The following NCKAP5 variants were observed in gnomAD, a reference collection of about 807,000 sequenced individuals.
The protein encoded by NCKAP5 is nck-associated protein 5.
Under a neutral mutation model 167.0 loss-of-function variants are expected in NCKAP5, and 92 were observed. That is an observed-to-expected ratio of 0.55 (90% CI 0.47 to 0.66). The LOEUF (loss-of-function observed/expected upper bound fraction) is 0.66, where lower values mean the gene tolerates loss of function less well. Among genes scored for constraint, NCKAP5 ranks in the 30% least tolerant of loss-of-function variants. The pLI is 0.00. For synonymous variants in NCKAP5, 891 were observed against 877.4 expected (o/e 1.02, Z -0.27); for missense variants, 2,378 against 2,315.0 (o/e 1.03, Z -0.56).
chr2:133,376,182 A>G (rs191062315), intron 3 of NCKAP5, among the ~76,000 whole-genome samples: 1 of 152,366 alleles, frequency 6.6e-6, no homozygotes, highest in Admixed American at 6.5e-5. Flanking sequence ...ATTCCAATAC[A>G]TGATGGCTGT....
intron 2 of NCKAP5, among the ~76,000 whole-genome samples, chr2:133,553,328 A>G (rs553414488): frequency 2.6e-5 from 4 of 152,334 alleles, no homozygotes; most frequent in Non-Finnish European, 5.9e-5. Flanking sequence ...CTAGCTGTCC[A>G]GAAGTGTCAC....
chr2:132,827,476 G>T (rs1460704531), intron 11 of NCKAP5, among the ~76,000 whole-genome samples: 1 of 152,154 alleles, frequency 6.6e-6, no homozygotes, highest in Non-Finnish European at 1.5e-5. Context: ...ATAATGTACA[G>T]TGATCATATC....
At chr2:132,738,142 T>C (rs1299396612) in intron 16 of NCKAP5, among the ~76,000 whole-genome samples, 2 of 152,212 alleles carry the variant, frequency 1.3e-5, no homozygotes, top group African/African-American at 2.4e-5. Flanking sequence ...CCCTTTTCTG[T>C]AGTTATTTTT....
chr2:133,063,595 T>C (rs2080085360), intron 6 of NCKAP5, among the ~76,000 whole-genome samples: 1 of 152,238 alleles, frequency 6.6e-6, no homozygotes. Context: ...GAAAAACTCA[T>C]CACATTTTTT....
intron 4 of NCKAP5, among the ~76,000 whole-genome samples, chr2:133,239,481 A>G (rs1334757356): frequency 1.3e-5 from 2 of 152,210 alleles, no homozygotes; most frequent in Non-Finnish European, 2.9e-5. Flanking sequence ...GGTACCTCAT[A>G]TCTTCCTGTA....
At chr2:133,162,266 T>C (rs1314788351) in intron 5 of NCKAP5, among the ~76,000 whole-genome samples, 1 of 152,252 alleles carries the variant, frequency 6.6e-6, no homozygotes. Context: ...CAAAGACTTT[T>C]TTTAAAAGAA....
In NCKAP5 at chr2:132,672,804, G is replaced by T; in HGVS notation, c.*485C>A. ...AAATTAAGGATTCTGTATCATAGATGTGTTTACGCTTAATCCTCTTGAAAC... is the reference window on the plus strand; with the variant it reads ...AAATTAAGGATTCTGTATCATAGATTTGTTTACGCTTAATCCTCTTGAAAC... On this transcript the variant is annotated 3_prime_UTR_variant, in exon 20 of 20. Transcript: ENST00000409261. The T allele has an allele frequency of 1.2e-5, 3 of 258,700 alleles. No homozygotes were observed. The highest frequency in any genetic ancestry group is 1.8e-5 in the Non-Finnish European group (3 of 165,248). The allele number at this position is 258,700 out of a possible 1,614,324, so 16.0% of individuals were successfully genotyped here. A position where few individuals can be genotyped will look rare whatever the true frequency, so the allele number is the denominator to read the frequency against.
At chr2:132,929,741 C>T (rs1185163600) in intron 8 of NCKAP5, 8 of 152,118 alleles carry the variant, frequency 5.3e-5, no homozygotes, top group Admixed American at 5.2e-4. Context: ...TGCCTCATTT[C>T]TTTACTTCTC....
intron 3 of NCKAP5, among the ~76,000 whole-genome samples, chr2:133,385,258 G>T (rs59068238): frequency 2.0e-5 from 3 of 152,092 alleles, no homozygotes; most frequent in Admixed American, 6.6e-5. Flanking sequence ...TAGCATGAAG[G>T]GTTGTTGAAT....
At chr2:133,504,647 G>A (rs1430829428) in intron 3 of NCKAP5, among the ~76,000 whole-genome samples, 1 of 152,126 alleles carries the variant, frequency 6.6e-6, no homozygotes, top group Non-Finnish European at 1.5e-5. Context: ...ACTTTCATAA[G>A]CTAGAATATC....
intron 8 of NCKAP5, among the ~76,000 whole-genome samples, chr2:132,879,640 T>G (rs1244206447): frequency 6.6e-6 from 1 of 152,216 alleles, no homozygotes; most frequent in Non-Finnish European, 1.5e-5. Context: ...CTGGTTCCAC[T>G]GCAGGTTCCT....
At chr2:133,130,845 TTTGTTGTTG>T (rs71398586) in intron 5 of NCKAP5, among the ~76,000 whole-genome samples, 7 of 151,564 alleles carry the variant, frequency 4.6e-5, no homozygotes, top group African/African-American at 9.7e-5. Flanking sequence ...TTGTTTTTGT[TTTGTTGTTG>T]TTGTTGTTGT....
chr2:132,970,013 G>T (rs1349152223), intron 7 of NCKAP5, among the ~76,000 whole-genome samples: 2 of 152,194 alleles, frequency 1.3e-5, no homozygotes, highest in Non-Finnish European at 2.9e-5. Context: ...TAGAGTAAGT[G>T]AATGAGCAAA....
At chr2:132,948,511 T>G (rs887189638) in intron 8 of NCKAP5, among the ~76,000 whole-genome samples, 1 of 152,004 alleles carries the variant, frequency 6.6e-6, no homozygotes, top group Non-Finnish European at 1.5e-5. Flanking sequence ...GACAGGCAGT[T>G]AGAGAAAACA....
the NCKAP5 span, among the ~76,000 whole-genome samples, chr2:133,613,319 A>T: frequency 6.6e-6 from 1 of 152,206 alleles, no homozygotes; most frequent in African/African-American, 2.4e-5. Context: ...GAAAACAATT[A>T]TACCAATGTC....
intron 19 of NCKAP5, among the ~76,000 whole-genome samples, chr2:132,712,422 G>C (rs188002640): frequency 5.9e-5 from 9 of 152,204 alleles, no homozygotes; most frequent in Admixed American, 1.3e-4. Context: ...GAGGCCAAGG[G>C]GGGCGGATCA....
chr2:133,065,461 C>G (rs1383110792), intron 6 of NCKAP5, among the ~76,000 whole-genome samples: 2 of 152,070 alleles, frequency 1.3e-5, no homozygotes, highest in African/African-American at 4.8e-5. Flanking sequence ...CCCGTCTCTA[C>G]TAAAAATACA....
intron 9 of NCKAP5, 26 bp from the exon 10 acceptor site, chr2:132,869,000 C>T: frequency 6.6e-7 from 1 of 1,505,084 alleles, no homozygotes; most frequent in Non-Finnish European, 8.9e-7. Context: ...AAAAAGTTGT[C>T]ATTTATAATA....
intron 7 of NCKAP5, among the ~76,000 whole-genome samples, chr2:132,989,114 G>A (rs2077379656): frequency 6.6e-6 from 1 of 152,210 alleles, no homozygotes; most frequent in Admixed American, 6.5e-5. Context: ...ATGAAGAAGT[G>A]CAGAAGGTAG....
Sources: allele counts gnomAD v4.1 joint callset (sites outside exome capture counted in the v4.1 genomes callset), GRCh38; gene constraint gnomAD v4.1.1; transcripts MANE v1.5; gene names NCBI Gene and HGNC (gene_info 2026-07-23, HGNC 2026-07-21).